The following OTUD5 variants were observed in gnomAD, a reference collection of about 807,000 sequenced individuals.
The protein encoded by OTUD5 is OTU deubiquitinase 5, also known as OTU domain-containing protein 5.
Under a neutral mutation model 36.3 loss-of-function variants are expected in OTUD5, and 2 were observed. That is an observed-to-expected ratio of 0.06 (90% CI 0.02 to 0.17). OTUD5 has a LOEUF of 0.17. Among genes scored for constraint, OTUD5 ranks in the 10% least tolerant of loss-of-function variants. The probability of loss-of-function intolerance (pLI) is 1.00; values close to 1 mark genes in which losing one functional copy is unlikely to be tolerated. For synonymous variants in OTUD5, 234 were observed against 214.9 expected, an observed-to-expected ratio of 1.09 and a Z score of -0.78; for missense variants, 233 against 512.3, an observed-to-expected ratio of 0.45 and a Z score of 5.26.
intron 2 of OTUD5, among the ~76,000 whole-genome samples, chrX:48,942,121 G>GACACAC (rs374973562): frequency 3.7e-5 from 4 of 108,259 alleles, no homozygotes; most frequent in Non-Finnish European, 7.7e-5. Context: ...GATACATATA[G>GACACAC]ACACACACAC....
At chrX:48,937,712 C>A (rs1201926446) in intron 2 of OTUD5, among the ~76,000 whole-genome samples, 1 of 112,584 alleles carries the variant, frequency 8.9e-6, no homozygotes, top group Non-Finnish European at 1.9e-5. Context: ...AACTCCTCTT[C>A]CATCTGCTGG....
chrX:48,950,792 G>A (rs1050004114), intron 1 of OTUD5, among the ~76,000 whole-genome samples: 1 of 109,688 alleles, frequency 9.1e-6, no homozygotes, highest in Non-Finnish European at 1.9e-5. Flanking sequence ...TTGAACTCCT[G>A]ACCTCGTGAT....
intron 6 of OTUD5, 26 bp from the exon 7 acceptor site, chrX:48,924,078 A>G: frequency 6.0e-6 from 7 of 1,158,826 alleles, no homozygotes; most frequent in Non-Finnish European, 8.1e-6. Flanking sequence ...TAAATGCGTT[A>G]AGGACCACCA....
intron 1 of OTUD5, among the ~76,000 whole-genome samples, chrX:48,950,447 G>A: frequency 9.1e-6 from 1 of 110,123 alleles, no homozygotes; most frequent in Admixed American, 9.7e-5. Context: ...CAGAAGGAGT[G>A]TGGCCCTGCC....
At chrX:48,935,429 G>A (rs1161989452) in intron 2 of OTUD5, among the ~76,000 whole-genome samples, 1 of 111,115 alleles carries the variant, frequency 9.0e-6, no homozygotes, top group Non-Finnish European at 1.9e-5. Context: ...CAAAGAGTCA[G>A]TCTGTGACAG....
At chrX:48,941,980 G>A (rs1309263978) in intron 2 of OTUD5, among the ~76,000 whole-genome samples, 3 of 111,169 alleles carry the variant, frequency 2.7e-5, no homozygotes, top group Non-Finnish European at 5.7e-5. Flanking sequence ...CCAGTCAGGG[G>A]AAATGTGTAG....
intron 1 of OTUD5, among the ~76,000 whole-genome samples, chrX:48,952,897 A>G (rs1321810637): frequency 4.5e-5 from 5 of 112,048 alleles, no homozygotes; most frequent in Admixed American, 1.9e-4. Context: ...GCTATCAAAG[A>G]TAGGTTACTA....
chrX:48,955,333 G>C (rs1159992320), intron 1 of OTUD5, among the ~76,000 whole-genome samples: 2 of 111,533 alleles, frequency 1.8e-5, no homozygotes, highest in Non-Finnish European at 3.8e-5. Flanking sequence ...CCTGAGTTAT[G>C]ATTCAAACCC....
At chrX:48,956,685 T>C (rs782683478) in intron 1 of OTUD5, among the ~76,000 whole-genome samples, 7 of 111,064 alleles carry the variant, frequency 6.3e-5, no homozygotes, top group Non-Finnish European at 1.3e-4. Flanking sequence ...TCTTGGAGAA[T>C]TCCCACCTAT....
intron 6 of OTUD5, among the ~76,000 whole-genome samples, chrX:48,925,098 G>C (rs1437142155): frequency 9.1e-6 from 1 of 109,910 alleles, no homozygotes; most frequent in African/African-American, 3.3e-5. Context: ...CTAACACGGT[G>C]AAACCCCGTC....
At position 48,924,020 on chromosome X, in the gene OTUD5, G is replaced by A. The variant is rs944779739; in HGVS notation, c.1296C>T (p.Ala432=). ...PRKASATCSS[A]TAAASSGLEE... is the part of the protein sequence containing the mutation. ...CCAGGCCACTGGAGGCTGCTGCTGT[G>A]GCCGAACTGCATGTGGCGCTGGCTT... is the stretch of plus-strand genomic sequence containing the variant. The change falls in exon 7 of 9, where the codon GCC becomes GCT. Residue 432 remains alanine, a synonymous_variant. Coordinates refer to ENST00000376488, the MANE Select transcript of OTUD5 (RefSeq NM_001136157.2). The A allele has an allele frequency of 2.5e-6, 3 of 1,206,290 alleles. No individual in the cohort carries two copies. The African/African-American group carries it at 5.2e-5, about 21-fold the overall frequency.
intron 1 of OTUD5, among the ~76,000 whole-genome samples, chrX:48,947,733 A>G (rs782397436): frequency 9.0e-6 from 1 of 110,550 alleles, no homozygotes; most frequent in South Asian, 3.8e-4. Context: ...AAAAAAAGAA[A>G]CACAGTCATT....
intron 1 of OTUD5, among the ~76,000 whole-genome samples, chrX:48,945,234 A>G (rs1229273982): frequency 9.3e-6 from 1 of 107,082 alleles, no homozygotes; most frequent in Middle Eastern, 4.3e-3. Context: ...TTATAAAGTT[A>G]CACTAAACCC....
At chrX:48,936,743 G>A (rs1383102976) in intron 2 of OTUD5, among the ~76,000 whole-genome samples, 1 of 112,145 alleles carries the variant, frequency 8.9e-6, no homozygotes, top group African/African-American at 3.2e-5. Context: ...CAAATGGATA[G>A]GCTGGGTAAG....
intron 1 of OTUD5, among the ~76,000 whole-genome samples, chrX:48,955,287 A>T (rs715266): frequency 0.026 from 2,888 of 111,330 alleles, 92 homozygotes; most frequent in African/African-American, 0.09. Flanking sequence ...CAGGTTCAGA[A>T]ATCAGGTCCT....
chrX:48,929,733 A>C (rs2063723112), intron 5 of OTUD5, among the ~76,000 whole-genome samples: 1 of 108,903 alleles, frequency 9.2e-6, no homozygotes, highest in Admixed American at 9.9e-5. Context: ...AAAATAAATA[A>C]ATAAAAAATT....
At chrX:48,935,664 C>G (rs1276777831) in intron 2 of OTUD5, among the ~76,000 whole-genome samples, 1 of 111,170 alleles carries the variant, frequency 9.0e-6, no homozygotes, top group African/African-American at 3.3e-5. Context: ...ACAGGCCAGG[C>G]GTGGAGGCTC....
chrX:48,952,167 C>G (rs1195090543), intron 1 of OTUD5, among the ~76,000 whole-genome samples: 2 of 112,418 alleles, frequency 1.8e-5, no homozygotes, highest in Non-Finnish European at 3.8e-5. Flanking sequence ...ATGGATAAGC[C>G]TTGAACATAT....
chrX:48,925,388 C>T, intron 6 of OTUD5, among the ~76,000 whole-genome samples: 1 of 110,912 alleles, frequency 9.0e-6, no homozygotes, highest in Non-Finnish European at 1.9e-5. Context: ...CGCCCCTCCC[C>T]GCTCCCCTAA....
Sources: allele counts gnomAD v4.1 joint callset (sites outside exome capture counted in the v4.1 genomes callset), GRCh38; gene constraint gnomAD v4.1.1; transcripts MANE v1.5; gene names NCBI Gene and HGNC (gene_info 2026-07-23, HGNC 2026-07-21).